The following GSTA5 variants were observed in gnomAD, a reference collection of about 807,000 sequenced individuals.
GSTA5 encodes glutathione S-transferase A5.
Under a neutral mutation model 21.8 loss-of-function variants are expected in GSTA5, and 25 were observed. The ratio of observed to expected loss-of-function variants is 1.14; its 90% confidence interval spans 0.83 to 1.60. The LOEUF (loss-of-function observed/expected upper bound fraction) is 1.60. Ranked by LOEUF, GSTA5 falls within the 40% of genes most tolerant of loss-of-function variation. The probability of loss-of-function intolerance (pLI) is 0.00; values close to 1 mark genes in which losing one functional copy is unlikely to be tolerated. For synonymous variants in GSTA5, 102 were observed against 89.5 expected, an observed-to-expected ratio of 1.14 and a Z score of -0.78; for missense variants, 330 against 259.2, an observed-to-expected ratio of 1.27 and a Z score of -1.88.
chr6:52,842,243 G>A (rs1764386698), upstream of GSTA5, among the ~76,000 whole-genome samples: 1 of 152,122 alleles, frequency 6.6e-6, no homozygotes, highest in Non-Finnish European at 1.5e-5. Context: ...GAAGGACACA[G>A]GACTCATTGA....
rs887933367 is a variant in GSTA5 at position 52,837,472 on chromosome 6, C to A, written c.139+86G>T. 15 of 827,502 alleles carry A rather than the reference C, an allele frequency of 1.8e-5. No individual in the cohort carries two copies. The African/African-American group carries it at 2.6e-4, about 14-fold the overall frequency. The allele number at this position is 827,502 out of a possible 1,614,324, so 51.3% of individuals were successfully genotyped here. On this transcript the variant is annotated intron_variant, in intron 2 of 5. Coordinates refer to ENST00000370989, the Ensembl canonical transcript of GSTA5. ...CACCGTGACTAAATATCACCCCCCA[C>A]ACACATAGGTATTCCTGGCTGCTCA...
rs759756696 is a variant in GSTA5 at position 52,837,523 on chromosome 6, A to T, written c.139+35T>A. The T allele has an allele frequency of 1.1e-5, 16 of 1,403,014 alleles. No individual in the cohort carries two copies. In the African/African-American group the frequency reaches 1.6e-4, roughly 14 times the overall value. 86.9% of individuals were successfully genotyped at this position (1,403,014 alleles called of 1,614,324 possible). ...ACGTTCCTCTGTACCTTCTACTAGAAACTCTCATCAGAGTTACTTAGAGAT... is the reference window on the plus strand; with the variant it reads ...ACGTTCCTCTGTACCTTCTACTAGATACTCTCATCAGAGTTACTTAGAGAT... On this transcript the variant is annotated intron_variant, in intron 2 of 5. Transcript: ENST00000370989.
In GSTA5 at chr6:52,836,221, G is replaced by T. The variant is rs770673247; in HGVS notation, c.272+15C>A. ...TGTGTTCTCTGTGGATGGAAGAACA[G>T]AAAATATACCATACAGGGCTCTCTC... On this transcript the variant is annotated intron_variant, in intron 3 of 5. Coordinates refer to ENST00000370989, the Ensembl canonical transcript of GSTA5. 2 of 1,611,690 alleles carry T rather than the reference G, an allele frequency of 1.2e-6. No individual in the cohort carries two copies. The highest frequency in any genetic ancestry group is 3.3e-5 in the Admixed American group (2 of 59,902).
rs1448575093 is a variant in GSTA5 at position 52,832,890 on chromosome 6, G to A, written c.515C>T (p.Ser172Leu). ...CAGAGGGAAGCTGGAGATAAGACTC[G>A]AGTCAAGCTCTTCCACGTAGTAGAA... Residue 172 changes from serine to leucine, a missense_variant, in exon 5 of 6, where the codon TCG becomes TTG. Physicochemically the swap from Ser to Leu is moderately radical, Grantham distance 145 (BLOSUM62 -2). Transcript: ENST00000370989. 2.9e-5 allele frequency: 46 copies of A among 1,613,886 alleles called. 1 individual carries two copies. Among genetic ancestry groups the A allele is most frequent in the African/African-American group, 6.7e-5 (5 of 74,878 alleles).
intron 2 of GSTA5, 47 bp downstream of exon 2, chr6:52,837,511 C>T (rs1013571153): frequency 7.9e-7 from 1 of 1,265,612 alleles, no homozygotes; most frequent in African/African-American, 1.5e-5. Flanking sequence ...TTCCTCTGTA[C>T]CTTCTACTAG....
exon 6 of GSTA5, chr6:52,831,883 A>T: frequency 6.2e-7 from 1 of 1,614,016 alleles, no homozygotes; most frequent in Admixed American, 1.7e-5. Flanking sequence ...TCTTCTAAAG[A>T]TTTCTCATCC....
intron 1 of GSTA5, 43 bp from the exon 2 acceptor site, chr6:52,837,652 A>G (rs774375903): frequency 1.4e-6 from 2 of 1,402,684 alleles, no homozygotes; most frequent in East Asian, 4.6e-5. Context: ...AGTTAATTCT[A>G]TTATAGACTT....
chr6:52,832,803 T>G (rs55815585), intron 5 of GSTA5, 56 bp downstream of exon 5: 634,518 of 1,606,202 alleles, frequency 0.4, 130,606 homozygotes, highest in Non-Finnish European at 0.43. Context: ...GGCCCAGATA[T>G]GAGATCCCAA....
intron 4 of GSTA5, 41 bp from the exon 5 acceptor site, chr6:52,833,031 C>T (rs781089027): frequency 1.2e-6 from 2 of 1,611,772 alleles, no homozygotes; most frequent in East Asian, 4.5e-5. Context: ...ACATGCACAC[C>T]CAGGCTGGGA....
At chr6:52,837,135 C>G (rs1469071529) in intron 2 of GSTA5, among the ~76,000 whole-genome samples, 1 of 152,170 alleles carries the variant, frequency 6.6e-6, no homozygotes, top group African/African-American at 2.4e-5. Context: ...AATAGTGCCA[C>G]AGTGTTACTT....
Position 52,834,299 on chromosome 6 carries a change from A to G in GSTA5, c.273-17T>C. The G allele has an allele frequency of 6.3e-7, 1 of 1,596,862 alleles. No individual in the cohort carries two copies. The highest frequency in any genetic ancestry group is 1.3e-5 in the African/African-American group (1 of 74,106). ...ATATCAATCCTGAAAGACAAAAACAACCAAACCATCAAATGCCTTTTGCCT... is the reference window on the plus strand; with the variant it reads ...ATATCAATCCTGAAAGACAAAAACAGCCAAACCATCAAATGCCTTTTGCCT... On this transcript the variant is annotated splice_polypyrimidine_tract_variant and intron_variant, in intron 3 of 5. Transcript: ENST00000370989.
At chr6:52,840,663 G>T in intron 1 of GSTA5, 64 bp downstream of exon 1, 1 of 1,399,338 alleles carries the variant, frequency 7.1e-7, no homozygotes, top group Non-Finnish European at 1.0e-6. Context: ...CATAGTTTCT[G>T]TGGGAAAAGT....
At chr6:52,841,766 C>T (rs1764380022), upstream of GSTA5, among the ~76,000 whole-genome samples, 1 of 152,162 alleles carries the variant, frequency 6.6e-6, no homozygotes, top group Admixed American at 6.6e-5. Context: ...TCTCATTTTA[C>T]AGTTGAGGAT....
At chr6:52,839,565 C>CT (rs1764343562) in intron 1 of GSTA5, among the ~76,000 whole-genome samples, 1 of 152,316 alleles carries the variant, frequency 6.6e-6, no homozygotes, top group African/African-American at 2.4e-5. Flanking sequence ...CCACACGGCG[C>CT]TGTGAGGCTG....
intron 2 of GSTA5, 45 bp downstream of exon 2, chr6:52,837,513 T>C: frequency 7.7e-7 from 1 of 1,295,342 alleles, no homozygotes; most frequent in Non-Finnish European, 1.1e-6. Context: ...CCTCTGTACC[T>C]TCTACTAGAA....
At chr6:52,844,071 A>G (rs181434986), upstream of GSTA5, among the ~76,000 whole-genome samples, 4 of 152,206 alleles carry the variant, frequency 2.6e-5, no homozygotes, top group East Asian at 7.7e-4. Context: ...ATATCTAGGG[A>G]GTGTGTCTAC....
At chr6:52,833,039 G>A (rs773749810) in intron 4 of GSTA5, 49 bp from the exon 5 acceptor site, 3 of 1,607,078 alleles carry the variant, frequency 1.9e-6, no homozygotes, top group Admixed American at 3.3e-5. Context: ...ACCCAGGCTG[G>A]GACCCCTGCT....
exon 4 of GSTA5, chr6:52,834,166 T>C (rs61734384): frequency 6.2e-7 from 1 of 1,614,184 alleles, no homozygotes; most frequent in Non-Finnish European, 8.5e-7. Context: ...GAAGTAGCGA[T>C]TTTTTATTTT....
upstream of GSTA5, among the ~76,000 whole-genome samples, chr6:52,842,276 A>C (rs1764387205): frequency 1.3e-5 from 2 of 152,178 alleles, no homozygotes. Flanking sequence ...CAGTGCCAGG[A>C]CTTAGGAACA....
Sources: gnomAD v4.1 joint callset for allele counts (sites outside exome capture counted in the v4.1 genomes callset) on GRCh38, gnomAD v4.1.1 for gene constraint, MANE v1.5 for transcripts, NCBI Gene and HGNC (gene_info 2026-07-23, HGNC 2026-07-21) for gene names.